Variants in TNS3 observed in about 807,000 individuals in gnomAD.
TNS3 encodes the protein tensin-3.
A neutral mutation model predicts 140.9 loss-of-function variants in TNS3; 45 were observed. The ratio of observed to expected loss-of-function variants is 0.32; its 90% CI spans 0.25 to 0.41. TNS3 has a LOEUF of 0.41. TNS3 is among the 10% of genes least tolerant of loss of function. The pLI is 1.00. For synonymous variants in TNS3, 815 were observed against 788.4 expected, an observed-to-expected ratio of 1.03 and a Z score of -0.56; for missense variants, 1,716 against 1,906.7, an observed-to-expected ratio of 0.90 and a Z score of 1.86.
At chr7:47,347,128 C>T (rs1562620073) in intron 17 of TNS3, among the ~76,000 whole-genome samples, 1 of 152,192 alleles carries the variant, frequency 6.6e-6, no homozygotes, top group Non-Finnish European at 1.5e-5. Flanking sequence ...TCTGAATATG[C>T]AAACCCAACA....
intron 1 of TNS3, among the ~76,000 whole-genome samples, chr7:47,573,393 G>A (rs937568342): frequency 3.3e-5 from 5 of 152,126 alleles, no homozygotes; most frequent in Non-Finnish European, 5.9e-5. Flanking sequence ...CCGCTAGGTC[G>A]CTGGGGCATT....
intron 2 of TNS3, among the ~76,000 whole-genome samples, chr7:47,515,598 C>A (rs1479860886): frequency 2.6e-5 from 4 of 152,112 alleles, no homozygotes; most frequent in Non-Finnish European, 5.9e-5. Flanking sequence ...CACTCACCAT[C>A]ACCATCATGA....
At chr7:47,475,048 C>A (rs1235453089) in intron 4 of TNS3, among the ~76,000 whole-genome samples, 1 of 150,790 alleles carries the variant, frequency 6.6e-6, no homozygotes, top group Admixed American at 6.6e-5. Flanking sequence ...AGACAACAGA[C>A]AACTCACACA....
At chr7:47,552,382 T>A (rs1480289143) in intron 1 of TNS3, among the ~76,000 whole-genome samples, 4 of 152,206 alleles carry the variant, frequency 2.6e-5, no homozygotes, top group Admixed American at 2.6e-4. Context: ...CCTCGTTTTA[T>A]TGTGCTTTGC....
intron 9 of TNS3, among the ~76,000 whole-genome samples, chr7:47,427,198 C>T (rs1407699235): frequency 1.3e-5 from 2 of 151,090 alleles, no homozygotes; most frequent in Non-Finnish European, 2.9e-5. Context: ...TGTTTAGTCA[C>T]CAACCAAATG....
chr7:47,405,674 A>G, intron 13 of TNS3: 3 of 681,738 alleles, frequency 4.4e-6, no homozygotes, highest in African/African-American at 1.8e-5. Context: ...GGGAGAGGAA[A>G]AGGCAATCAC....
intron 5 of TNS3, 42 bp downstream of exon 5, chr7:47,441,960 AC>A: frequency 7.9e-7 from 1 of 1,272,218 alleles, no homozygotes; most frequent in Non-Finnish European, 1.0e-6. Context: ...GAGCTGACCT[AC>A]AGCCAGAGAC....
At chr7:47,292,622 T>C (rs961881184) in intron 26 of TNS3, among the ~76,000 whole-genome samples, 2 of 152,230 alleles carry the variant, frequency 1.3e-5, no homozygotes, top group African/African-American at 2.4e-5. Context: ...TGTAAAGCTA[T>C]CTGGGAGCTG....
At chr7:47,336,124 G>C (rs1184430018) in intron 20 of TNS3, among the ~76,000 whole-genome samples, 3 of 149,642 alleles carry the variant, frequency 2.0e-5, no homozygotes, top group African/African-American at 7.4e-5. Flanking sequence ...TCAAAATGCA[G>C]AAAGATCTCT....
At chr7:47,340,585 C>CTTTTTTTTTTTTTTTTTTTTTTTT (rs774726583) in intron 20 of TNS3, among the ~76,000 whole-genome samples, 18 of 134,856 alleles carry the variant, frequency 1.3e-4, no homozygotes, top group African/African-American at 4.7e-4. Context: ...TCTTTTTTTT[C>CTTTTTTTTTTTTTTTTTTTTTTTT]TTTTTTTTTT....
At chr7:47,435,671 G>C (rs944719183) in intron 7 of TNS3, among the ~76,000 whole-genome samples, 2 of 152,138 alleles carry the variant, frequency 1.3e-5, no homozygotes, top group African/African-American at 2.4e-5. Flanking sequence ...AAAGGTCTTT[G>C]AGTTGCTGAT....
chr7:47,391,508 T>A (rs930874703), intron 16 of TNS3, among the ~76,000 whole-genome samples: 1 of 151,926 alleles, frequency 6.6e-6, no homozygotes, highest in Non-Finnish European at 1.5e-5. Flanking sequence ...ACTGGGAAAG[T>A]GAAAGGGAAT....
chr7:47,389,003 G>A (rs60136671), intron 16 of TNS3, among the ~76,000 whole-genome samples: 11,545 of 19,236 alleles, frequency 0.6, 3,201 homozygotes, highest in South Asian at 0.71. Flanking sequence ...GAAGAAGAAG[G>A]AAGAAGAAGA....
chr7:47,444,867 C>A (rs1795650101), intron 4 of TNS3, among the ~76,000 whole-genome samples: 1 of 152,220 alleles, frequency 6.6e-6, no homozygotes, highest in Non-Finnish European at 1.5e-5. Context: ...AAACTGTAAT[C>A]TGTGCTATCA....
At chr7:47,534,616 C>T (rs935018808) in intron 1 of TNS3, among the ~76,000 whole-genome samples, 2 of 152,146 alleles carry the variant, frequency 1.3e-5, no homozygotes, top group African/African-American at 2.4e-5. Flanking sequence ...TTCTAATTTG[C>T]GGCCAAGACA....
rs774074328 is a variant in TNS3 at position 47,303,036 on chromosome 7, G to A, written c.3371C>T (p.Pro1124Leu). ...GATACTGATGGTGCTCCCGCTGTGC[G>A]GGCTGGAGAAGCCACTGGAGGAGGG... Reference protein sequence around the residue: ...VSPSSSGFSSPHSGSTISIPF... With the variant: ...VSPSSSGFSSLHSGSTISIPF... Residue 1124 changes from proline (P) to leucine (L), a missense_variant, in exon 22 of 31, where the codon CCG becomes CTG. Pro to Leu is a moderately conservative substitution (Grantham distance 98, BLOSUM62 -3). Around this residue, in one of 3 missense-constraint regions of TNS3, gnomAD observed 1,163 missense variants for 1,182.1 expected, o/e 0.98. Transcript: ENST00000311160. The A allele has an allele frequency of 6.2e-6, 10 of 1,614,152 alleles. No homozygotes were observed. The highest frequency in any genetic ancestry group is 4.5e-5 in the East Asian group (2 of 44,884).
chr7:47,332,904 T>C (rs1053521587), intron 20 of TNS3, among the ~76,000 whole-genome samples: 2 of 152,158 alleles, frequency 1.3e-5, no homozygotes, highest in Non-Finnish European at 2.9e-5. Context: ...AACTTCTACA[T>C]GCTGAGGGTC....
At position 47,333,006 on chromosome 7, in the gene TNS3, C is replaced by T. The variant is rs1032494195; in HGVS notation, c.2650+11749G>A. Among the ~76,000 whole-genome samples the T allele has an allele frequency of 7.2e-5, 11 of 152,142 alleles. No individual in the cohort carries two copies. In the East Asian group the frequency reaches 9.6e-4, roughly 13 times the overall value. Reference sequence around the variant, plus strand: ...TTCCTCTAAACCCAAAGTGAGCAAACGAGAACATTCAGCATGGTAGAGAAG... The same window carrying T: ...TTCCTCTAAACCCAAAGTGAGCAAATGAGAACATTCAGCATGGTAGAGAAG... On this transcript the variant is annotated intron_variant, in intron 20 of 30. Coordinates refer to ENST00000311160, the MANE Select transcript of TNS3 (RefSeq NM_022748.12).
At chr7:47,338,493 CT>C (rs1349284679) in intron 20 of TNS3, among the ~76,000 whole-genome samples, 2 of 152,118 alleles carry the variant, frequency 1.3e-5, no homozygotes, top group African/African-American at 2.4e-5. Flanking sequence ...TGACATGTCT[CT>C]TTTTTTCTTT....
Sources: allele counts gnomAD v4.1 joint callset (sites outside exome capture counted in the v4.1 genomes callset), GRCh38; gene constraint gnomAD v4.1.1; regional missense constraint gnomAD v4.1.1; transcripts MANE v1.5; gene names NCBI Gene and HGNC (gene_info 2026-07-23, HGNC 2026-07-21).